Variants in DCC observed in about 807,000 individuals in gnomAD.
The protein encoded by DCC is netrin receptor DCC.
A neutral mutation model predicts 172.5 loss-of-function variants in DCC; 58 were observed. The observed-to-expected ratio is 0.34, with a 90% confidence interval of 0.27 to 0.42. The LOEUF is 0.42. DCC is among the 10% of genes least tolerant of loss of function. The pLI is 1.00. For synonymous variants in DCC, 709 were observed against 644.5 expected, an observed-to-expected ratio of 1.10 and a Z score of -1.52; for missense variants, 1,740 against 1,791.0, an observed-to-expected ratio of 0.97 and a Z score of 0.51.
chr18:52,568,411 A>C (rs1326633324), intron 1 of DCC, among the ~76,000 whole-genome samples: 1 of 152,192 alleles, frequency 6.6e-6, no homozygotes, highest in African/African-American at 2.4e-5. Context: ...AACTATTGCC[A>C]TAAGCAACAA....
At chr18:53,364,907 A>G (rs972791569) in intron 15 of DCC, among the ~76,000 whole-genome samples, 2 of 152,192 alleles carry the variant, frequency 1.3e-5, no homozygotes, top group Admixed American at 6.6e-5. Flanking sequence ...ATGGCTTTCT[A>G]TAGATCCTTA....
At position 53,511,331 on chromosome 18, in the gene DCC, T is replaced by C. The variant is rs148733894; in HGVS notation, c.4111+11821T>C. On this transcript the variant is annotated intron_variant, in intron 27 of 28. Transcript: ENST00000442544. ...TCCTCCCTCCCTGACTACAAGAATATTCGACCTGCTAGCTGTAAACTGAAA... is the reference window on the plus strand; with the variant it reads ...TCCTCCCTCCCTGACTACAAGAATACTCGACCTGCTAGCTGTAAACTGAAA... Among the ~76,000 whole-genome samples, 37 of 152,326 alleles carry C rather than the reference T, an allele frequency of 2.4e-4. No individual in the cohort carries two copies. The East Asian group carries it at 4.4e-3, about 18-fold the overall frequency.
At chr18:52,989,002 T>C (rs2041338904) in intron 5 of DCC, among the ~76,000 whole-genome samples, 1 of 151,392 alleles carries the variant, frequency 6.6e-6, no homozygotes. Flanking sequence ...GATTTTTTTT[T>C]CAAAAGATAC....
Position 52,752,180 on chromosome 18 carries a change from A to G in DCC, c.218A>G (p.Lys73Arg), listed in dbSNP as rs141272344. Residue 73 changes from lysine to arginine, a missense_variant, in exon 2 of 29, where the codon AAG becomes AGG. Transcript: ENST00000442544. Reference protein sequence around the residue: ...AESDRGVPVIKWKKDGIHLAL... With the variant: ...AESDRGVPVIRWKKDGIHLAL... ...TCCGACCGAGGAGTTCCAGTGATCA[A>G]GTGGAAGAAAGATGGCATTCATCTG... The G allele has an allele frequency of 6.2e-7, 1 of 1,614,072 alleles. No homozygotes were observed. Among genetic ancestry groups the G allele is most frequent in the Non-Finnish European group, 8.5e-7 (1 of 1,180,048 alleles).
intron 12 of DCC, among the ~76,000 whole-genome samples, chr18:53,287,839 A>C (rs1028292949): frequency 6.6e-6 from 1 of 152,176 alleles, no homozygotes; most frequent in African/African-American, 2.4e-5. Flanking sequence ...CATTTTATTG[A>C]TAACAAAAGA....
At chr18:53,123,494 C>T (rs746388284) in intron 7 of DCC, among the ~76,000 whole-genome samples, 6 of 152,070 alleles carry the variant, frequency 3.9e-5, no homozygotes, top group Non-Finnish European at 7.4e-5. Context: ...GGCCTCAAAT[C>T]TGAGCTCATT....
chr18:52,566,076 A>T (rs1457297941), intron 1 of DCC, among the ~76,000 whole-genome samples: 2 of 152,094 alleles, frequency 1.3e-5, no homozygotes, highest in Non-Finnish European at 1.5e-5. Flanking sequence ...TTTTCCCAAC[A>T]CCATTTATTA....
chr18:52,400,268 T>C (rs1986385669), intron 1 of DCC, among the ~76,000 whole-genome samples: 1 of 152,046 alleles, frequency 6.6e-6, no homozygotes, highest in Non-Finnish European at 1.5e-5. Flanking sequence ...AATGGTGATC[T>C]TGAAATCAAA....
chr18:52,909,490 G>A (rs2039937318), intron 3 of DCC, among the ~76,000 whole-genome samples: 2 of 152,086 alleles, frequency 1.3e-5, no homozygotes, highest in Admixed American at 1.3e-4. Context: ...TTCATAAGAA[G>A]TGTTTGAATT....
At chr18:52,432,713 C>T (rs931282380) in intron 1 of DCC, among the ~76,000 whole-genome samples, 6 of 152,120 alleles carry the variant, frequency 3.9e-5, no homozygotes, top group African/African-American at 1.2e-4. Context: ...TTGATAATCA[C>T]TTATGGACAT....
intron 1 of DCC, among the ~76,000 whole-genome samples, chr18:52,597,107 A>G (rs2033924234): frequency 7.1e-6 from 1 of 140,584 alleles, no homozygotes; most frequent in Non-Finnish European, 1.7e-5. Context: ...AATTCTTTCT[A>G]TTTTTGCCAG....
chr18:52,516,700 T>C (rs1197593425), intron 1 of DCC, among the ~76,000 whole-genome samples: 1 of 152,262 alleles, frequency 6.6e-6, no homozygotes, highest in African/African-American at 2.4e-5. Flanking sequence ...AAGGTCATTA[T>C]TGCCTTATTA....
intron 2 of DCC, among the ~76,000 whole-genome samples, chr18:52,893,285 A>T (rs187120054): frequency 6.6e-6 from 1 of 152,272 alleles, no homozygotes; most frequent in African/African-American, 2.4e-5. Context: ...TAGAGTAAAA[A>T]GTATTGCCAG....
At chr18:52,972,264 GTTA>G (rs1169323730) in intron 5 of DCC, among the ~76,000 whole-genome samples, 1 of 152,118 alleles carries the variant, frequency 6.6e-6, no homozygotes, top group Non-Finnish European at 1.5e-5. Flanking sequence ...TATCAATTGA[GTTA>G]TTATTTTAAA....
At position 52,763,096 on chromosome 18, in the gene DCC, C is replaced by T. The variant is rs573385246; in HGVS notation, c.412+10722C>T. On this transcript the variant is annotated intron_variant, in intron 2 of 28. Transcript: ENST00000442544. ...AAATCTGCTTGTTGATTTATAACTC[C>T]TGTTCTTTTCATACACATTTTAAAA... Among the ~76,000 whole-genome samples the T allele has an allele frequency of 2.0e-5, 3 of 152,230 alleles. No individual in the cohort carries two copies. In the East Asian group the frequency reaches 5.8e-4, roughly 29 times the overall value.
chr18:52,408,613 A>T (rs1163978710), intron 1 of DCC, among the ~76,000 whole-genome samples: 1 of 152,102 alleles, frequency 6.6e-6, no homozygotes, highest in African/African-American at 2.4e-5. Flanking sequence ...ACATTAATGC[A>T]GTTTGGATGT....
intron 15 of DCC, among the ~76,000 whole-genome samples, chr18:53,373,968 A>T (rs1401053679): frequency 2.0e-5 from 3 of 152,220 alleles, no homozygotes; most frequent in African/African-American, 7.2e-5. Flanking sequence ...TTTACATTTG[A>T]ATATAAAACA....
intron 1 of DCC, among the ~76,000 whole-genome samples, chr18:52,608,484 A>G (rs2034184150): frequency 6.6e-6 from 1 of 152,198 alleles, no homozygotes; most frequent in Non-Finnish European, 1.5e-5. Context: ...AAGGAGATTT[A>G]TCCACTTGGA....
rs116365466 is a variant in DCC at position 52,598,852 on chromosome 18, G to T, written c.92-153202G>T. Among the ~76,000 whole-genome samples the T allele has an allele frequency of 3.6e-3, 549 of 152,280 alleles. 6 individuals carry two copies. Among genetic ancestry groups the T allele is most frequent in the African/African-American group, 0.013 (523 of 41,550 alleles). The stretch of plus-strand genomic sequence containing the variant: ...TGGATGTCTGGGAGGGCTGTTCTCT[G>T]CTTCCAAGATGGCGCCTCAATGCTG... On this transcript the variant is annotated intron_variant, in intron 1 of 28. Transcript: ENST00000442544.
Sources: gnomAD v4.1 joint callset for allele counts (sites outside exome capture counted in the v4.1 genomes callset) on GRCh38, gnomAD v4.1.1 for gene constraint, MANE v1.5 for transcripts, NCBI Gene and HGNC (gene_info 2026-07-23, HGNC 2026-07-21) for gene names.